NCKAP5: variants seen among roughly 807,000 people sequenced by gnomAD.
NCKAP5 encodes nck-associated protein 5.
In NCKAP5, 92 loss-of-function variants were observed where a neutral mutation model predicts 167.0. The ratio of observed to expected loss-of-function variants is 0.55; its 90% CI spans 0.47 to 0.66. NCKAP5 has a LOEUF of 0.66. Among genes scored for constraint, NCKAP5 ranks in the 30% least tolerant of loss-of-function variants. The probability of loss-of-function intolerance (pLI) is 0.00; values close to 1 mark genes in which losing one functional copy is unlikely to be tolerated. For missense variants in NCKAP5, 2,378 were observed against 2,315.0 expected (o/e 1.03, Z -0.56); for synonymous variants, 891 against 877.4 (o/e 1.02, Z -0.27).
At chr2:133,435,702 T>C (rs1690429759) in intron 3 of NCKAP5, among the ~76,000 whole-genome samples, 1 of 152,242 alleles carries the variant, frequency 6.6e-6, no homozygotes, top group Admixed American at 6.5e-5. Context: ...TGAAATCCAC[T>C]GAATAATCGG....
intron 4 of NCKAP5, chr2:133,268,337 T>G (rs949686949): frequency 1.3e-5 from 2 of 152,176 alleles, no homozygotes; most frequent in Non-Finnish European, 1.5e-5. Flanking sequence ...TACTGATGGT[T>G]TGAAATTTTG....
chr2:132,738,583 TC>T (rs1691739006), intron 16 of NCKAP5, among the ~76,000 whole-genome samples: 1 of 152,230 alleles, frequency 6.6e-6, no homozygotes, highest in Non-Finnish European at 1.5e-5. Context: ...TGAGTTGCCC[TC>T]TTTTAAAGCA....
chr2:133,544,657 C>A (rs577412975), intron 2 of NCKAP5, among the ~76,000 whole-genome samples: 1 of 152,212 alleles, frequency 6.6e-6, no homozygotes, highest in Admixed American at 6.5e-5. Context: ...GATGCTACTG[C>A]AGTGTGCATT....
intron 19 of NCKAP5, among the ~76,000 whole-genome samples, chr2:132,722,410 C>T (rs1690007383): frequency 6.6e-6 from 1 of 152,222 alleles, no homozygotes; most frequent in Non-Finnish European, 1.5e-5. Flanking sequence ...TCCTCCTTGA[C>T]ATACCTTCCT....
At chr2:133,088,155 C>A (rs963421179) in intron 6 of NCKAP5, among the ~76,000 whole-genome samples, 4 of 152,182 alleles carry the variant, frequency 2.6e-5, no homozygotes, top group Non-Finnish European at 5.9e-5. Context: ...ACTGTAGAAT[C>A]TTCACACCGA....
chr2:132,983,545 T>C (rs1445375295), intron 7 of NCKAP5, among the ~76,000 whole-genome samples: 1 of 152,252 alleles, frequency 6.6e-6, no homozygotes, highest in East Asian at 1.9e-4. Context: ...AAGCTTTTCC[T>C]GCATCTATTG....
chr2:133,021,271 C>A (rs1047417349), intron 6 of NCKAP5, among the ~76,000 whole-genome samples: 5 of 152,040 alleles, frequency 3.3e-5, no homozygotes, highest in African/African-American at 1.2e-4. Flanking sequence ...GCTGGGTCCC[C>A]CAGGAAGGAG....
chr2:132,842,323 A>G (rs58181161), intron 11 of NCKAP5, among the ~76,000 whole-genome samples: 11,976 of 152,070 alleles, frequency 0.079, 691 homozygotes, highest in African/African-American at 0.16. Context: ...TTATTAGTCA[A>G]ATGAGAGATT....
chr2:133,521,620 C>T (rs1364557598), intron 2 of NCKAP5, among the ~76,000 whole-genome samples: 3 of 152,330 alleles, frequency 2.0e-5, no homozygotes, highest in East Asian at 3.9e-4. Flanking sequence ...GACATCTTCT[C>T]ACTGTGTCCT....
chr2:133,324,256 C>T (rs1484805877), intron 3 of NCKAP5, among the ~76,000 whole-genome samples: 1 of 152,246 alleles, frequency 6.6e-6, no homozygotes, highest in Non-Finnish European at 1.5e-5. Context: ...GAATCATAAA[C>T]ACCCCACATT....
intron 6 of NCKAP5, among the ~76,000 whole-genome samples, chr2:133,031,478 G>A (rs1254397361): frequency 6.6e-6 from 1 of 152,194 alleles, no homozygotes; most frequent in African/African-American, 2.4e-5. Context: ...TTGCCACTGA[G>A]GGCCACATTG....
At chr2:132,934,450 G>A (rs1574685424) in intron 8 of NCKAP5, among the ~76,000 whole-genome samples, 1 of 151,970 alleles carries the variant, frequency 6.6e-6, no homozygotes, top group South Asian at 2.1e-4. Context: ...GCGGGTACCT[G>A]TAATCCCAGC....
At position 133,325,432 on chromosome 2, in the gene NCKAP5, C is replaced by T. The variant is rs554883569; in HGVS notation, c.70-22322G>A. Among the ~76,000 whole-genome samples the T allele has an allele frequency of 3.3e-5, 5 of 152,284 alleles. No homozygotes were observed. The East Asian group carries it at 9.6e-4, about 29-fold the overall frequency. On this transcript the variant is annotated intron_variant, in intron 3 of 19. Coordinates refer to ENST00000409261, the MANE Select transcript of NCKAP5 (RefSeq NM_207363.3). ...CAGAAATTGGCATTCCTTTTTAGTA[C>T]AGGGACTTTGTGATGTTTCCTGAGG... is the stretch of plus-strand genomic sequence containing the variant.
chr2:133,313,828 A>C (rs1432857705), intron 3 of NCKAP5, among the ~76,000 whole-genome samples: 1 of 152,194 alleles, frequency 6.6e-6, no homozygotes, highest in Non-Finnish European at 1.5e-5. Flanking sequence ...CATTTGATGG[A>C]GAAACACTGG....
At chr2:133,365,481 G>C (rs2150887283) in intron 3 of NCKAP5, among the ~76,000 whole-genome samples, 1 of 150,872 alleles carries the variant, frequency 6.6e-6, no homozygotes, top group South Asian at 2.1e-4. Flanking sequence ...TGGATGATAA[G>C]CACTAGGAAG....
At chr2:132,912,730 C>T (rs1387925864) in intron 8 of NCKAP5, among the ~76,000 whole-genome samples, 3 of 152,184 alleles carry the variant, frequency 2.0e-5, no homozygotes, top group Non-Finnish European at 4.4e-5. Flanking sequence ...TTATCAGATG[C>T]TCTGCTTTCA....
At chr2:132,746,127 A>T (rs535956249) in intron 16 of NCKAP5, among the ~76,000 whole-genome samples, 1 of 152,180 alleles carries the variant, frequency 6.6e-6, no homozygotes, top group South Asian at 2.1e-4. Flanking sequence ...AAGTAAAACA[A>T]GGTCAGAGGT....
Position 132,783,815 on chromosome 2 carries a change from G to T in NCKAP5, c.2996C>A (p.Ala999Asp). The change falls in exon 14 of 20, where the codon GCC (alanine) becomes GAC (aspartate). Residue 999 changes from alanine (A) to aspartate (D), a missense_variant. By Grantham distance (126) the Ala-to-Asp change is moderately radical (BLOSUM62 -2). Coordinates refer to ENST00000409261, the MANE Select transcript of NCKAP5 (RefSeq NM_207363.3). ...GTGAGTGAAGATAGGCTTTTTGAAG[G>T]CCACAGAAGGTTTCTTCCTCTGCAC... is the stretch of plus-strand genomic sequence containing the variant. The part of the protein sequence containing the change: ...TEVQRKKPSV[A>D]FKKPIFTHPM... 1 of 1,533,010 alleles carries T rather than the reference G, an allele frequency of 6.5e-7. No homozygotes were observed. The highest frequency in any genetic ancestry group is 1.3e-5 in the South Asian group (1 of 76,964). 95.0% of individuals were successfully genotyped at this position (1,533,010 alleles called of 1,614,324 possible). A position where few individuals can be genotyped will look rare whatever the true frequency, so the allele number is the denominator to read the frequency against.
chr2:133,411,371 A>T (rs16824511), intron 3 of NCKAP5, among the ~76,000 whole-genome samples: 7,655 of 152,258 alleles, frequency 0.05, 260 homozygotes, highest in South Asian at 0.13. Context: ...GAGGGCTTCC[A>T]GCTAATGACT....
Sources: allele counts gnomAD v4.1 joint callset (sites outside exome capture counted in the v4.1 genomes callset), GRCh38; gene constraint gnomAD v4.1.1; transcripts MANE v1.5; gene names NCBI Gene and HGNC (gene_info 2026-07-23, HGNC 2026-07-21).